Variants in ADAM17 observed in about 807,000 individuals in gnomAD.
ADAM17 encodes the protein disintegrin and metalloproteinase domain-containing protein 17.
In ADAM17, 39 loss-of-function variants were observed where a neutral mutation model predicts 96.7. That is an observed-to-expected ratio of 0.40 (90% CI 0.31 to 0.53). The LOEUF (loss-of-function observed/expected upper bound fraction) is 0.53. Ranked by LOEUF, ADAM17 falls within the 20% of genes least tolerant of loss-of-function variation. The pLI is 0.44. For synonymous variants in ADAM17, 344 were observed against 359.2 expected (o/e 0.96, Z 0.48); for missense variants, 777 against 1,013.2 (o/e 0.77, Z 3.17).
chr2:9,538,692 C>T (rs772753537), intron 2 of ADAM17, among the ~76,000 whole-genome samples: 2 of 152,102 alleles, frequency 1.3e-5, no homozygotes, highest in Non-Finnish European at 2.9e-5. Flanking sequence ...AAAGACCAAG[C>T]GATTATAAAA....
intron 10 of ADAM17, among the ~76,000 whole-genome samples, chr2:9,515,131 T>C (rs66835002): frequency 0.23 from 34,897 of 152,082 alleles, 4,765 homozygotes; most frequent in Middle Eastern, 0.33. Flanking sequence ...TGAAGTATCA[T>C]ACAGAGTAAT....
In ADAM17 at chr2:9,520,988, G is replaced by GAAAAAAAAAAA. The variant is rs1234369493; in HGVS notation, c.957+214_957+215insTTTTTTTTTTT. The stretch of plus-strand genomic sequence containing the variant: ...TCAAAAAAAAAAAAAAAAAAAAAAG[G>GAAAAAAAAAAA]AAGCATTGCTTTATAGCGTTTTTCT... On this transcript the variant is annotated intron_variant, in intron 8 of 18. Coordinates refer to ENST00000310823, the MANE Select transcript of ADAM17 (RefSeq NM_003183.6). Among the ~76,000 whole-genome samples, 592 of 112,042 alleles carry GAAAAAAAAAAA rather than the reference G, an allele frequency of 5.3e-3. 80 individuals are homozygous for GAAAAAAAAAAA. Among genetic ancestry groups the GAAAAAAAAAAA allele is most frequent in the Non-Finnish European group, 8.6e-3 (432 of 50,028 alleles). 73.5% of individuals were successfully genotyped at this position (112,042 alleles called of 152,430 possible).
chr2:9,521,341 T>C (rs1664301153), intron 7 of ADAM17, 25 bp from the exon 8 acceptor site: 1 of 1,475,982 alleles, frequency 6.8e-7, no homozygotes, highest in South Asian at 1.2e-5. Context: ...ATCATATACT[T>C]AGAACACTTC....
chr2:9,525,172 G>A (rs184658475), intron 6 of ADAM17, among the ~76,000 whole-genome samples: 50 of 151,806 alleles, frequency 3.3e-4, no homozygotes, highest in African/African-American at 8.0e-4. Context: ...TGTGGTTCAC[G>A]CCTGTAATTC....
At chr2:9,532,638 A>ATTTTTTTTTTTTTTTTTTTT (rs70948827) in intron 4 of ADAM17, among the ~76,000 whole-genome samples, 1 of 114,284 alleles carries the variant, frequency 8.8e-6, no homozygotes, top group African/African-American at 3.6e-5. Flanking sequence ...TGCCCAGCTA[A>ATTTTTTTTTTTTTTTTTTTT]TTTTTTTTTT....
intron 1 of ADAM17, among the ~76,000 whole-genome samples, chr2:9,549,297 G>C (rs895326639): frequency 9.2e-5 from 14 of 152,042 alleles, no homozygotes; most frequent in South Asian, 2.1e-4. Flanking sequence ...CTTGAACCCG[G>C]GTGGCAGAGG....
chr2:9,542,114 G>A (rs1209319692), intron 2 of ADAM17, among the ~76,000 whole-genome samples: 1 of 152,106 alleles, frequency 6.6e-6, no homozygotes, highest in Non-Finnish European at 1.5e-5. Flanking sequence ...GCTTCCTAAA[G>A]ACTTTAAAAA....
intron 11 of ADAM17, among the ~76,000 whole-genome samples, chr2:9,509,646 G>C (rs1663619700): frequency 1.3e-5 from 2 of 152,092 alleles, no homozygotes; most frequent in Admixed American, 6.5e-5. Flanking sequence ...ATGACAACTT[G>C]TAAATGAAAT....
At chr2:9,555,474 G>C in intron 1 of ADAM17, 35 bp downstream of exon 1, 2 of 1,519,798 alleles carry the variant, frequency 1.3e-6, no homozygotes, top group Non-Finnish European at 1.8e-6. Flanking sequence ...GAGCGCTCCA[G>C]GCGCCGGCCT....
At chr2:9,529,401 A>G (rs1255190634) in intron 4 of ADAM17, among the ~76,000 whole-genome samples, 2 of 152,088 alleles carry the variant, frequency 1.3e-5, no homozygotes, top group African/African-American at 4.8e-5. Flanking sequence ...CAGTGAGCTG[A>G]GATCATGCCA....
chr2:9,490,143 T>G lies in ADAM17; in HGVS notation c.*34A>C. On this transcript the variant is annotated 3_prime_UTR_variant, in exon 19 of 19. Coordinates refer to ENST00000310823, the MANE Select transcript of ADAM17 (RefSeq NM_003183.6). The stretch of plus-strand genomic sequence containing the variant: ...TGTAGGTCAAATCTATAAAAATATT[T>G]TGCACACTTAAGTCAGAAGAGCTGA... The G allele has an allele frequency of 6.5e-7, 1 of 1,529,158 alleles. No individual in the cohort carries two copies. Among genetic ancestry groups the G allele is most frequent in the East Asian group, 2.3e-5 (1 of 43,832 alleles). The allele number at this position is 1,529,158 out of a possible 1,614,324, so 94.7% of individuals were successfully genotyped here.
At chr2:9,508,501 A>G (rs558649655) in intron 11 of ADAM17, among the ~76,000 whole-genome samples, 14 of 152,332 alleles carry the variant, frequency 9.2e-5, no homozygotes, top group African/African-American at 3.4e-4. Context: ...TAACTTTACC[A>G]AGTGTTGAAA....
At chr2:9,530,053 T>C (rs1664678395) in intron 4 of ADAM17, among the ~76,000 whole-genome samples, 1 of 152,168 alleles carries the variant, frequency 6.6e-6, no homozygotes, top group Non-Finnish European at 1.5e-5. Context: ...TTTATCTCAA[T>C]AAAACTGTTA....
Position 9,535,842 on chromosome 2 carries a change from T to G in ADAM17, c.442A>C (p.Asn148His), listed in dbSNP as rs754860343. The G allele has an allele frequency of 2.5e-6, 4 of 1,594,968 alleles. No individual in the cohort carries two copies. The South Asian group carries it at 4.6e-5, about 18-fold the overall frequency. The change falls in exon 4 of 19, where the codon AAC (asparagine) becomes CAC (histidine). Residue 148 changes from asparagine (N) to histidine (H), a missense_variant. This residue lies in a region of ADAM17 where 446 missense variants were observed against 664.7 expected (regional missense o/e 0.67). Coordinates refer to ENST00000310823, the MANE Select transcript of ADAM17 (RefSeq NM_003183.6). ...IRINTDGAEY[N>H]IEPLWRFVND... is the part of the protein sequence containing the mutation. The stretch of plus-strand genomic sequence containing the variant: ...TTCACATATAAATTTACCTCTATGT[T>G]ATATTCGGCCCCATCTGTGTTGATT...
chr2:9,496,182 G>A (rs1234017078), intron 14 of ADAM17: 2 of 152,130 alleles, frequency 1.3e-5, no homozygotes, highest in Non-Finnish European at 2.9e-5. Context: ...AGGCTAGAGT[G>A]TAGCGGCGCA....
chr2:9,506,448 C>A (rs1217603895), intron 11 of ADAM17, among the ~76,000 whole-genome samples: 2 of 143,898 alleles, frequency 1.4e-5, no homozygotes, highest in Non-Finnish European at 3.0e-5. Context: ...CTTATTGTAA[C>A]CTCCGCCTCC....
intron 11 of ADAM17, among the ~76,000 whole-genome samples, chr2:9,509,762 T>C (rs963408729): frequency 2.6e-5 from 4 of 152,176 alleles, no homozygotes; most frequent in African/African-American, 4.8e-5. Flanking sequence ...ATCTACACCA[T>C]TAAGCTTGAC....
rs181339107 is a variant in ADAM17 at position 9,543,742 on chromosome 2, G to C, written c.98-457C>G. On this transcript the variant is annotated intron_variant, in intron 1 of 18. Transcript: ENST00000310823. ...GTGGATCTCGTGGAGGTAGACAGCA[G>C]AATGGTGGTTACCAGAGGCTGAGAA... 4.2e-4 allele frequency among the ~76,000 whole-genome samples: 64 copies of C among 152,330 alleles called. No homozygotes were observed. The Middle Eastern group carries it at 0.01, about 24-fold the overall frequency.
intron 4 of ADAM17, among the ~76,000 whole-genome samples, chr2:9,533,304 T>C (rs1168678266): frequency 6.6e-6 from 1 of 152,086 alleles, no homozygotes; most frequent in Non-Finnish European, 1.5e-5. Flanking sequence ...ATCTCAGCAC[T>C]TTCAGAGGCC....
Sources: gnomAD v4.1 joint callset for allele counts (sites outside exome capture counted in the v4.1 genomes callset) on GRCh38, gnomAD v4.1.1 for gene constraint, gnomAD v4.1.1 regional missense constraint, MANE v1.5 for transcripts, NCBI Gene and HGNC (gene_info 2026-07-23, HGNC 2026-07-21) for gene names.